The following FRMD4A variants were observed in gnomAD, a reference collection of about 807,000 sequenced individuals.
The protein encoded by FRMD4A is FERM domain-containing protein 4A.
FRMD4A carries 29 observed loss-of-function variants against 129.1 expected under a neutral mutation model. The observed-to-expected ratio is 0.22, with a 90% CI of 0.17 to 0.31. The LOEUF (loss-of-function observed/expected upper bound fraction) is 0.31, where lower values mean the gene tolerates loss of function less well. Ranked by LOEUF, FRMD4A falls within the 10% of genes least tolerant of loss-of-function variation. The probability of loss-of-function intolerance (pLI) is 1.00; values close to 1 mark genes in which losing one functional copy is unlikely to be tolerated. For missense variants in FRMD4A, 1,272 were observed against 1,375.8 expected, an observed-to-expected ratio of 0.92 and a Z score of 1.19; for synonymous variants, 634 against 571.6, an observed-to-expected ratio of 1.11 and a Z score of -1.56.
At chr10:14,033,082 G>T (rs538497262) in intron 2 of FRMD4A, among the ~76,000 whole-genome samples, 1 of 152,134 alleles carries the variant, frequency 6.6e-6, no homozygotes, top group African/African-American at 2.4e-5. Context: ...TGAGGTGGGC[G>T]GATCACCTGA....
intron 2 of FRMD4A, among the ~76,000 whole-genome samples, chr10:13,896,885 C>T (rs1460842757): frequency 6.6e-6 from 1 of 152,138 alleles, no homozygotes; most frequent in Non-Finnish European, 1.5e-5. Flanking sequence ...CCGATTCTAC[C>T]ACTGAGAATT....
intron 2 of FRMD4A, among the ~76,000 whole-genome samples, chr10:14,026,252 G>C (rs1266443265): frequency 6.6e-6 from 1 of 152,204 alleles, no homozygotes; most frequent in African/African-American, 2.4e-5. Context: ...CTCCATTTTA[G>C]TATCTCTCTG....
chr10:13,829,337 C>T (rs2093753904), intron 3 of FRMD4A, among the ~76,000 whole-genome samples: 1 of 152,134 alleles, frequency 6.6e-6, no homozygotes, highest in Non-Finnish European at 1.5e-5. Context: ...CCAGCCTGGG[C>T]AACAAAGTGA....
intron 2 of FRMD4A, among the ~76,000 whole-genome samples, chr10:14,235,019 G>T (rs1315240411): frequency 6.6e-6 from 1 of 152,104 alleles, no homozygotes; most frequent in Non-Finnish European, 1.5e-5. Flanking sequence ...TGCTATATAG[G>T]TACGTGCAGA....
At chr10:14,094,676 G>A (rs891877368) in intron 2 of FRMD4A, among the ~76,000 whole-genome samples, 2 of 152,142 alleles carry the variant, frequency 1.3e-5, no homozygotes, top group Non-Finnish European at 2.9e-5. Context: ...CTCTCTATTG[G>A]GCATGCAGTT....
chr10:14,193,652 GT>G (rs1564377524), intron 2 of FRMD4A, among the ~76,000 whole-genome samples: 1 of 150,292 alleles, frequency 6.7e-6, no homozygotes, highest in Admixed American at 6.6e-5. Flanking sequence ...CAAGCAAAAA[GT>G]TGCAGTAGGG....
At chr10:14,156,040 A>G (rs977628223) in intron 2 of FRMD4A, among the ~76,000 whole-genome samples, 2 of 152,194 alleles carry the variant, frequency 1.3e-5, no homozygotes, top group Non-Finnish European at 2.9e-5. Context: ...AGGTGCAGAC[A>G]CTGGGAAACT....
At chr10:14,040,307 T>C (rs908481998) in intron 2 of FRMD4A, among the ~76,000 whole-genome samples, 74 of 152,044 alleles carry the variant, frequency 4.9e-4, no homozygotes, top group African/African-American at 1.8e-3. Context: ...TTCTGTTGAA[T>C]GAAACAGAGA....
chr10:13,842,271 C>G (rs929403842), intron 3 of FRMD4A, among the ~76,000 whole-genome samples: 5 of 152,204 alleles, frequency 3.3e-5, no homozygotes, highest in Non-Finnish European at 7.3e-5. Context: ...CTAGTCCATA[C>G]ACGTGGGTTT....
At chr10:13,908,919 G>C (rs1457867708) in intron 2 of FRMD4A, among the ~76,000 whole-genome samples, 1 of 152,164 alleles carries the variant, frequency 6.6e-6, no homozygotes, top group Non-Finnish European at 1.5e-5. Flanking sequence ...TAAAATTTAT[G>C]TGGGAATCTT....
intron 3 of FRMD4A, among the ~76,000 whole-genome samples, chr10:13,858,617 T>C (rs903784950): frequency 6.6e-6 from 1 of 152,214 alleles, no homozygotes; most frequent in African/African-American, 2.4e-5. Flanking sequence ...TAGAAATTTG[T>C]AACAATAGGG....
intron 2 of FRMD4A, among the ~76,000 whole-genome samples, chr10:14,067,020 A>T (rs1328193884): frequency 6.6e-6 from 1 of 152,218 alleles, no homozygotes; most frequent in African/African-American, 2.4e-5. Context: ...TCAAATAGAA[A>T]ATATTAATAT....
chr10:14,315,686 T>C (rs1220450677), intron 2 of FRMD4A, among the ~76,000 whole-genome samples: 1 of 152,206 alleles, frequency 6.6e-6, no homozygotes, highest in Non-Finnish European at 1.5e-5. Context: ...CATTTTTGCT[T>C]CAGAACCCCT....
chr10:14,022,638 G>C (rs1054095214), intron 2 of FRMD4A, among the ~76,000 whole-genome samples: 1 of 152,184 alleles, frequency 6.6e-6, no homozygotes, highest in Admixed American at 6.5e-5. Context: ...TTGGGCTAGA[G>C]ATGATAATGG....
chr10:14,185,770 C>T (rs1842116434), intron 2 of FRMD4A, among the ~76,000 whole-genome samples: 1 of 152,094 alleles, frequency 6.6e-6, no homozygotes, highest in Admixed American at 6.5e-5. Context: ...CCAGCCAAAG[C>T]AACAGATACG....
chr10:13,931,755 T>C (rs2095197347), intron 2 of FRMD4A, among the ~76,000 whole-genome samples: 1 of 134,676 alleles, frequency 7.4e-6, no homozygotes. Flanking sequence ...CTGGCCAACA[T>C]GGCAAAATCT....
At chr10:14,183,564 C>T (rs1418276907) in intron 2 of FRMD4A, among the ~76,000 whole-genome samples, 2 of 149,392 alleles carry the variant, frequency 1.3e-5, no homozygotes, top group Admixed American at 6.7e-5. Flanking sequence ...TCTTAAATTT[C>T]CTTGGCCAGC....
At chr10:13,998,490 T>C (rs916448596) in intron 2 of FRMD4A, among the ~76,000 whole-genome samples, 5 of 152,236 alleles carry the variant, frequency 3.3e-5, no homozygotes, top group Non-Finnish European at 4.4e-5. Flanking sequence ...TTTAACATCC[T>C]ACTGTATATC....
At chr10:14,102,547 G>C (rs78434808) in intron 2 of FRMD4A, among the ~76,000 whole-genome samples, 1 of 152,132 alleles carries the variant, frequency 6.6e-6, no homozygotes, top group Non-Finnish European at 1.5e-5. Flanking sequence ...ACAGAGGGCC[G>C]AGAACCAAGC....
Sources: gnomAD v4.1 joint callset for allele counts (sites outside exome capture counted in the v4.1 genomes callset) on GRCh38, gnomAD v4.1.1 for gene constraint, MANE v1.5 for transcripts, NCBI Gene and HGNC (gene_info 2026-07-23, HGNC 2026-07-21) for gene names.